Variants in IRAK1BP1 observed in about 807,000 individuals in gnomAD.
IRAK1BP1 encodes the protein interleukin 1 receptor associated kinase 1 binding protein 1.
IRAK1BP1 carries 24 observed loss-of-function variants against 28.0 expected under a neutral mutation model. That is an observed-to-expected ratio of 0.86 (90% CI 0.62 to 1.20). IRAK1BP1 has a LOEUF of 1.20. Among genes scored for constraint, IRAK1BP1 ranks in the 50% most tolerant of loss-of-function variants. The probability of loss-of-function intolerance (pLI) is 0.00; values close to 1 mark genes in which losing one functional copy is unlikely to be tolerated. For synonymous variants in IRAK1BP1, 131 were observed against 116.3 expected, an observed-to-expected ratio of 1.13 and a Z score of -0.81; for missense variants, 336 against 316.7, an observed-to-expected ratio of 1.06 and a Z score of -0.46.
the IRAK1BP1 span, among the ~76,000 whole-genome samples, chr6:78,974,699 C>T: frequency 0.01 from 1,539 of 151,938 alleles, 13 homozygotes; most frequent in Middle Eastern, 0.034. Context: ...ATATCACCAC[C>T]GATCCCACAG....
downstream of IRAK1BP1, among the ~76,000 whole-genome samples, chr6:78,904,676 A>G (rs935821036): frequency 6.6e-6 from 1 of 152,192 alleles, no homozygotes; most frequent in African/African-American, 2.4e-5. Flanking sequence ...AATTAGTATA[A>G]CAATTCAGAT....
At chr6:78,939,149 ATAAC>A (rs1452065259) in intron 4 of IRAK1BP1, 16 of 151,928 alleles carry the variant, frequency 1.1e-4, no homozygotes, top group Non-Finnish European at 1.6e-4. Flanking sequence ...AAGGTATAAA[ATAAC>A]TAACTGTACC....
chr6:78,922,926 C>G (rs1447908565), intron 4 of IRAK1BP1, among the ~76,000 whole-genome samples: 17 of 152,078 alleles, frequency 1.1e-4, no homozygotes, highest in Non-Finnish European at 2.4e-4. Context: ...GAAGGAAGCA[C>G]TAAACATGGA....
intron 4 of IRAK1BP1, among the ~76,000 whole-genome samples, chr6:78,922,990 C>T (rs1252961469): frequency 1.3e-5 from 2 of 152,212 alleles, no homozygotes; most frequent in African/African-American, 2.4e-5. Context: ...TAAAGACCAT[C>T]GAGGCTAGGA....
intron 4 of IRAK1BP1, chr6:78,935,393 C>T: frequency 6.3e-6 from 3 of 479,632 alleles, no homozygotes; most frequent in Non-Finnish European, 8.2e-6. Flanking sequence ...AATAAAAATG[C>T]ATGCCAATCT....
downstream of IRAK1BP1, chr6:78,946,803 T>C (rs1773845412): frequency 6.3e-7 from 1 of 1,594,758 alleles, no homozygotes; most frequent in African/African-American, 1.4e-5. Context: ...GAAGAGCAGA[T>C]TTATAATCTG....
At chr6:78,960,096 G>T in the IRAK1BP1 span, among the ~76,000 whole-genome samples, 2 of 152,008 alleles carry the variant, frequency 1.3e-5, no homozygotes, top group African/African-American at 4.8e-5. Flanking sequence ...TACATCACAA[G>T]CCCAGAAAAA....
chr6:78,870,375 A>G (rs746704572), intron 1 of IRAK1BP1, among the ~76,000 whole-genome samples: 14 of 152,146 alleles, frequency 9.2e-5, no homozygotes, highest in Non-Finnish European at 1.9e-4. Flanking sequence ...ATCCTGTATC[A>G]TAATTCTTAA....
chr6:78,877,719 G>T (rs1412426043), intron 1 of IRAK1BP1, among the ~76,000 whole-genome samples: 2 of 152,198 alleles, frequency 1.3e-5, no homozygotes, highest in Admixed American at 6.5e-5. Flanking sequence ...AGTGCAAGGG[G>T]TCGGGGAATT....
At chr6:78,935,485 T>C in intron 4 of IRAK1BP1, 1 of 978,066 alleles carries the variant, frequency 1.0e-6, no homozygotes, top group South Asian at 4.7e-5. Flanking sequence ...TGAGAAAATA[T>C]TTATGCAAAG....
At chr6:78,957,488 G>A in the IRAK1BP1 span, 4 of 151,298 alleles carry the variant, frequency 2.6e-5, no homozygotes, top group African/African-American at 9.7e-5. Flanking sequence ...TTCTTATACT[G>A]AAATGACCTG....
At chr6:78,923,754 A>T (rs1182214539) in intron 4 of IRAK1BP1, among the ~76,000 whole-genome samples, 1 of 152,224 alleles carries the variant, frequency 6.6e-6, no homozygotes, top group Non-Finnish European at 1.5e-5. Flanking sequence ...AGAACTCAGG[A>T]TTAAGAAACT....
At chr6:78,871,178 G>C in intron 1 of IRAK1BP1, 1 of 788,480 alleles carries the variant, frequency 1.3e-6, no homozygotes, top group African/African-American at 1.9e-5. Context: ...ATGCTACCAA[G>C]AATTACCCTG....
At chr6:78,955,845 T>C in the IRAK1BP1 span, 1 of 412,014 alleles carries the variant, frequency 2.4e-6, no homozygotes. Context: ...CATTTAACCC[T>C]GACCCCTCCA....
chr6:78,906,860 A>T (rs192538117), downstream of IRAK1BP1, among the ~76,000 whole-genome samples: 1 of 152,208 alleles, frequency 6.6e-6, no homozygotes, highest in Non-Finnish European at 1.5e-5. Context: ...GTATTAATTA[A>T]TCACATTATT....
chr6:78,875,885 A>G (rs541469683), intron 1 of IRAK1BP1, among the ~76,000 whole-genome samples: 3 of 152,290 alleles, frequency 2.0e-5, no homozygotes, highest in East Asian at 3.9e-4. Context: ...AAATATATAT[A>G]TTGAATAGAT....
intron 4 of IRAK1BP1, among the ~76,000 whole-genome samples, chr6:78,929,487 T>C (rs1417091792): frequency 6.6e-6 from 1 of 151,972 alleles, no homozygotes; most frequent in Non-Finnish European, 1.5e-5. Context: ...GAGCTAAACA[T>C]TGGTTACTCA....
the IRAK1BP1 span, chr6:78,954,721 T>C: frequency 1.3e-6 from 1 of 763,216 alleles, no homozygotes; most frequent in East Asian, 3.0e-5. Flanking sequence ...AGAAATAAAC[T>C]ATAATCATAA....
the IRAK1BP1 span, among the ~76,000 whole-genome samples, chr6:78,960,961 A>G: frequency 1.3e-5 from 2 of 152,182 alleles, no homozygotes; most frequent in African/African-American, 4.8e-5. Context: ...CTTTTAATGC[A>G]ATGTTACACA....
Sources: gnomAD v4.1 joint callset for allele counts (sites outside exome capture counted in the v4.1 genomes callset) on GRCh38, gnomAD v4.1.1 for gene constraint, MANE v1.5 for transcripts, NCBI Gene and HGNC (gene_info 2026-07-23, HGNC 2026-07-21) for gene names.